The following PPP1R12B variants were observed in gnomAD, a reference collection of about 807,000 sequenced individuals.
PPP1R12B encodes the protein protein phosphatase 1 regulatory subunit 12B, also known as myosin phosphatase target subunit 2.
Under a neutral mutation model 126.1 loss-of-function variants are expected in PPP1R12B, and 76 were observed. The ratio of observed to expected loss-of-function variants is 0.60; its 90% CI spans 0.50 to 0.73. The LOEUF (loss-of-function observed/expected upper bound fraction) is 0.73, where lower values mean the gene tolerates loss of function less well. Ranked by LOEUF, PPP1R12B falls within the 30% of genes least tolerant of loss-of-function variation. PPP1R12B has a pLI of 0.00. For synonymous variants in PPP1R12B, 356 were observed against 434.7 expected (o/e 0.82, Z 2.25); for missense variants, 1,052 against 1,205.1 (o/e 0.87, Z 1.88).
chr1:202,359,792 A>T (rs1381082998), intron 1 of PPP1R12B, among the ~76,000 whole-genome samples: 2 of 152,178 alleles, frequency 1.3e-5, no homozygotes, highest in African/African-American at 4.8e-5. Context: ...TGACAGAGTG[A>T]GACTCTGTCT....
chr1:202,353,629 T>TGTGTGTGG (rs540599307), intron 1 of PPP1R12B, among the ~76,000 whole-genome samples: 1 of 138,166 alleles, frequency 7.2e-6, no homozygotes. Flanking sequence ...TGTGTGTGTG[T>TGTGTGTGG]GACAGGGTCT....
At chr1:202,456,204 G>T (rs1372651438) in intron 13 of PPP1R12B, among the ~76,000 whole-genome samples, 2 of 151,868 alleles carry the variant, frequency 1.3e-5, no homozygotes, top group Admixed American at 6.6e-5. Flanking sequence ...GGGAAATGGA[G>T]GTTGCAGTGA....
chr1:202,414,467 C>T (rs1473431322), intron 1 of PPP1R12B, among the ~76,000 whole-genome samples: 1 of 152,154 alleles, frequency 6.6e-6, no homozygotes, highest in African/African-American at 2.4e-5. Context: ...AATCTAAATA[C>T]ATTTCATTAT....
rs899397521 is a variant in PPP1R12B at position 202,589,052 on chromosome 1, C to T, written c.*8492C>T. 1.3e-5 allele frequency: 2 copies of T among 152,186 alleles called. No homozygotes were observed. The highest frequency in any genetic ancestry group is 4.8e-5 in the African/African-American group (2 of 41,436). 9.4% of individuals were successfully genotyped at this position (152,186 alleles called of 1,614,324 possible). The stretch of plus-strand genomic sequence containing the variant: ...TGGGCTCATGGAAGTCTCCTGCCAT[C>T]ACCCTTAGTCATCTGCTATATCCAT... On this transcript the variant is annotated 3_prime_UTR_variant, in exon 24 of 24. Coordinates refer to ENST00000608999, the MANE Select transcript of PPP1R12B (RefSeq NM_002481.4).
chr1:202,355,377 C>T (rs1223470939), intron 1 of PPP1R12B, among the ~76,000 whole-genome samples: 2 of 152,096 alleles, frequency 1.3e-5, no homozygotes, highest in Non-Finnish European at 2.9e-5. Context: ...AAAAAAGATT[C>T]CTTTTAGAGT....
At chr1:202,458,323 C>T (rs1255909823) in intron 13 of PPP1R12B, among the ~76,000 whole-genome samples, 2 of 106,256 alleles carry the variant, frequency 1.9e-5, no homozygotes, top group African/African-American at 5.9e-5. Context: ...GGTCATTCCT[C>T]TCTGGGGAAT....
chr1:202,552,470 T>C (rs1686426820), intron 18 of PPP1R12B, among the ~76,000 whole-genome samples: 1 of 152,234 alleles, frequency 6.6e-6, no homozygotes, highest in African/African-American at 2.4e-5. Context: ...AATTATACTA[T>C]TTTGCAATTA....
At chr1:202,558,688 G>A (rs1274099042) in intron 18 of PPP1R12B, 189 bp from the exon 19 acceptor site, 3 of 520,206 alleles carry the variant, frequency 5.8e-6, no homozygotes, top group African/African-American at 2.0e-5. Context: ...GTGAACTAGG[G>A]CTAAGTCACC....
rs1553332187 is a variant in PPP1R12B, at chr1:202,588,859, A to AT, written c.*8300dup. On this transcript the variant is annotated 3_prime_UTR_variant, in exon 24 of 24. Coordinates refer to ENST00000608999, the MANE Select transcript of PPP1R12B (RefSeq NM_002481.4). ...GATAGATAGATAGATAGATAGATAG[A>AT]TAGATAGATAGATATCAAGGTTCCA... The AT allele has an allele frequency of 1.4e-5, 2 of 145,784 alleles. No homozygotes were observed. Among genetic ancestry groups the AT allele is most frequent in the African/African-American group, 5.6e-5 (2 of 36,002 alleles). 9.0% of individuals were successfully genotyped at this position (145,784 alleles called of 1,614,324 possible).
intron 18 of PPP1R12B, chr1:202,527,249 G>A (rs1482743237): frequency 6.6e-6 from 1 of 152,062 alleles, no homozygotes; most frequent in African/African-American, 2.4e-5. Flanking sequence ...GCTAGTCTGG[G>A]GCCTGGGATG....
At chr1:202,446,169 C>T (rs1432344207) in intron 12 of PPP1R12B, among the ~76,000 whole-genome samples, 1 of 146,808 alleles carries the variant, frequency 6.8e-6, no homozygotes, top group Non-Finnish European at 1.5e-5. Flanking sequence ...ATCACCATAG[C>T]TGAAGAAACA....
At chr1:202,423,256 G>A (rs953348468) in intron 3 of PPP1R12B, among the ~76,000 whole-genome samples, 1 of 152,080 alleles carries the variant, frequency 6.6e-6, no homozygotes, top group East Asian at 1.9e-4. Flanking sequence ...TAGGAGAATC[G>A]ATTTCACAGA....
intron 1 of PPP1R12B, among the ~76,000 whole-genome samples, chr1:202,379,661 G>A (rs1204339754): frequency 1.3e-5 from 2 of 152,112 alleles, no homozygotes; most frequent in Non-Finnish European, 2.9e-5. Context: ...TCTGCCATAG[G>A]TCTATTTTTT....
At chr1:202,555,277 A>G (rs1686766352) in intron 18 of PPP1R12B, among the ~76,000 whole-genome samples, 1 of 140,956 alleles carries the variant, frequency 7.1e-6, no homozygotes, top group Non-Finnish European at 1.5e-5. Flanking sequence ...ATTTATAGAT[A>G]ATGGCTAAGA....
At chr1:202,361,886 G>GA (rs1467678771) in intron 1 of PPP1R12B, among the ~76,000 whole-genome samples, 3 of 152,166 alleles carry the variant, frequency 2.0e-5, no homozygotes, top group Admixed American at 6.5e-5. Flanking sequence ...GCTTGTCTTA[G>GA]AAAATGGAAG....
At chr1:202,367,131 C>T (rs1347105385) in intron 1 of PPP1R12B, among the ~76,000 whole-genome samples, 1 of 152,144 alleles carries the variant, frequency 6.6e-6, no homozygotes, top group Non-Finnish European at 1.5e-5. Flanking sequence ...CTTTACATTA[C>T]ACTACTTATA....
At chr1:202,443,697 T>C (rs976735025) in intron 12 of PPP1R12B, among the ~76,000 whole-genome samples, 3 of 152,246 alleles carry the variant, frequency 2.0e-5, no homozygotes, top group Non-Finnish European at 4.4e-5. Context: ...CCTGGATGCA[T>C]TATTATTCAT....
At chr1:202,504,057 G>A (rs1680538282) in intron 18 of PPP1R12B, among the ~76,000 whole-genome samples, 1 of 152,020 alleles carries the variant, frequency 6.6e-6, no homozygotes, top group African/African-American at 2.4e-5. Context: ...ATTTTCTTCA[G>A]CTCTATTACA....
chr1:202,501,192 T>A (rs1458183062), intron 18 of PPP1R12B, among the ~76,000 whole-genome samples: 1 of 152,220 alleles, frequency 6.6e-6, no homozygotes, highest in African/African-American at 2.4e-5. Flanking sequence ...AGGAATAGGG[T>A]TATTCTAATT....
Sources: allele counts gnomAD v4.1 joint callset (sites outside exome capture counted in the v4.1 genomes callset), GRCh38; gene constraint gnomAD v4.1.1; transcripts MANE v1.5; gene names NCBI Gene and HGNC (gene_info 2026-07-23, HGNC 2026-07-21).